Variants in SVIL observed in about 807,000 individuals in gnomAD.
The protein encoded by SVIL is archvillin.
A neutral mutation model predicts 240.4 loss-of-function variants in SVIL; 101 were observed. The observed-to-expected ratio is 0.42, with a 90% CI of 0.36 to 0.50. SVIL has a LOEUF of 0.50. Among genes scored for constraint, SVIL ranks in the 20% least tolerant of loss-of-function variants. SVIL has a pLI of 0.01. For missense variants in SVIL, 2,512 were observed against 2,818.7 expected (o/e 0.89, Z 2.46); for synonymous variants, 999 against 1,100.0 (o/e 0.91, Z 1.82).
upstream of SVIL, among the ~76,000 whole-genome samples, chr10:29,638,110 C>T (rs1371200548): frequency 2.6e-5 from 4 of 152,104 alleles, no homozygotes; most frequent in Admixed American, 6.5e-5. Flanking sequence ...GTAAAAAGCC[C>T]TCATGATCAC....
At chr10:29,565,016 A>G (rs1456891533) in intron 2 of SVIL, among the ~76,000 whole-genome samples, 3 of 149,882 alleles carry the variant, frequency 2.0e-5, no homozygotes, top group Non-Finnish European at 4.5e-5. Flanking sequence ...TAATTTAAAC[A>G]TCTTGACAAA....
At position 29,457,687 on chromosome 10, in the gene SVIL, G is replaced by A. The variant is rs1943723613; in HGVS notation, c.*560C>T. On this transcript the variant is annotated 3_prime_UTR_variant, in exon 38 of 38. Coordinates refer to ENST00000355867, the MANE Select transcript of SVIL (RefSeq NM_021738.3). ...GTACTCAGAACAAGTCATACCTAAT[G>A]CTGCAGGAAACATTTCCAAACGTGT... is the stretch of plus-strand genomic sequence containing the variant. 1 of 152,588 alleles carries A rather than the reference G, an allele frequency of 6.6e-6. No homozygotes were observed. Among genetic ancestry groups the A allele is most frequent in the African/African-American group, 2.4e-5 (1 of 41,420 alleles). The allele number at this position is 152,588 out of a possible 1,614,324, so 9.5% of individuals were successfully genotyped here.
chr10:29,620,420 T>C (rs1957588319), intron 1 of SVIL, among the ~76,000 whole-genome samples: 1 of 152,164 alleles, frequency 6.6e-6, no homozygotes, highest in Non-Finnish European at 1.5e-5. Flanking sequence ...ATAGTGTCCC[T>C]AAATATTCAC....
At chr10:29,733,766 C>T (rs149546718) in intron 1 of SVIL, among the ~76,000 whole-genome samples, 1 of 152,332 alleles carries the variant, frequency 6.6e-6, no homozygotes, top group African/African-American at 2.4e-5. Context: ...CTACCTAGGA[C>T]GTTCCAAGTC....
rs532339324 is a variant in SVIL at position 29,611,403 on chromosome 10, G to T, written c.-201+23017C>A. 3.3e-5 allele frequency among the ~76,000 whole-genome samples: 5 copies of T among 151,902 alleles called. No homozygotes were observed. In the South Asian group the frequency reaches 6.3e-4, roughly 19 times the overall value. On this transcript the variant is annotated intron_variant, in intron 1 of 37. Coordinates refer to ENST00000355867, the MANE Select transcript of SVIL (RefSeq NM_021738.3). Reference sequence around the variant, plus strand: ...TCTAGAATAGGGACCGAGGTGGGGGGACTGCTGGAACGTGTCAAGTGGTTA... The same window carrying T: ...TCTAGAATAGGGACCGAGGTGGGGGTACTGCTGGAACGTGTCAAGTGGTTA...
chr10:29,544,785 A>AG, intron 6 of SVIL, among the ~76,000 whole-genome samples: 1 of 151,110 alleles, frequency 6.6e-6, no homozygotes, highest in Non-Finnish European at 1.5e-5. Context: ...AAAAAGAATA[A>AG]GAATTGTCAC....
intron 1 of SVIL, among the ~76,000 whole-genome samples, chr10:29,600,712 A>G (rs143178341): frequency 1.2e-3 from 182 of 152,298 alleles, no homozygotes; most frequent in African/African-American, 4.2e-3. Flanking sequence ...TGGGGCACAA[A>G]AGGACCCTAT....
chr10:29,508,968 T>C (rs538681570), intron 17 of SVIL, among the ~76,000 whole-genome samples: 6 of 152,306 alleles, frequency 3.9e-5, no homozygotes, highest in African/African-American at 1.2e-4. Flanking sequence ...GAATTGAAAA[T>C]AACTATTTGG....
intron 6 of SVIL, among the ~76,000 whole-genome samples, chr10:29,547,522 C>G (rs543208569): frequency 6.6e-6 from 1 of 152,258 alleles, no homozygotes; most frequent in East Asian, 1.9e-4. Flanking sequence ...TAACATGCAT[C>G]TTCAAAATAA....
At chr10:29,720,997 C>T (rs1589576553) in intron 1 of SVIL, among the ~76,000 whole-genome samples, 2 of 152,108 alleles carry the variant, frequency 1.3e-5, no homozygotes, top group East Asian at 3.9e-4. Context: ...CAGGCATGTG[C>T]CACCACAACC....
At chr10:29,707,182 A>T (rs1331469626) in intron 1 of SVIL, among the ~76,000 whole-genome samples, 1 of 152,216 alleles carries the variant, frequency 6.6e-6, no homozygotes. Flanking sequence ...GAAGAATGTC[A>T]GTGGTAGTTT....
Position 29,554,771 on chromosome 10 carries a change from C to A in SVIL, c.160+12G>T, listed in dbSNP as rs1301636943. ...GCCTGCTGGAAAATGGGCCACCCAG[C>A]TCCACGCTCACCGATGTGGGGGCTG... is the stretch of plus-strand genomic sequence containing the variant. On this transcript the variant is annotated intron_variant, in intron 5 of 37. Transcript: ENST00000355867. 1 of 1,571,780 alleles carries A rather than the reference C, an allele frequency of 6.4e-7. No individual in the cohort carries two copies. Among genetic ancestry groups the A allele is most frequent in the Non-Finnish European group, 8.6e-7 (1 of 1,161,142 alleles).
At chr10:29,713,869 G>T (rs1413099957) in intron 1 of SVIL, among the ~76,000 whole-genome samples, 1 of 152,172 alleles carries the variant, frequency 6.6e-6, no homozygotes, top group South Asian at 2.1e-4. Flanking sequence ...ATGTTAAGCA[G>T]ATTTCTTTAC....
chr10:29,558,676 C>T (rs1954166242), intron 3 of SVIL, among the ~76,000 whole-genome samples: 1 of 151,520 alleles, frequency 6.6e-6, no homozygotes, highest in South Asian at 2.1e-4. Flanking sequence ...CCTGTAATCC[C>T]AGCACTTTAG....
intron 6 of SVIL, among the ~76,000 whole-genome samples, chr10:29,537,907 C>T (rs1951853119): frequency 1.3e-5 from 2 of 152,108 alleles, no homozygotes; most frequent in African/African-American, 4.8e-5. Context: ...TCAATTTTGC[C>T]CACAGCAAAT....
At chr10:29,618,251 C>T (rs1957501243) in intron 1 of SVIL, among the ~76,000 whole-genome samples, 1 of 152,216 alleles carries the variant, frequency 6.6e-6, no homozygotes. Flanking sequence ...ACCATGACCT[C>T]AACTCGTAAT....
intron 1 of SVIL, among the ~76,000 whole-genome samples, chr10:29,621,943 G>A (rs1218530548): frequency 6.6e-6 from 1 of 152,086 alleles, no homozygotes; most frequent in Admixed American, 6.6e-5. Flanking sequence ...AGTGACTTGG[G>A]AGCAGCAAAG....
At chr10:29,531,213 T>C (rs1292267922) in intron 10 of SVIL, 41 bp downstream of exon 10, 2 of 1,604,370 alleles carry the variant, frequency 1.2e-6, no homozygotes, top group East Asian at 2.2e-5. Flanking sequence ...CCAGTCTAGA[T>C]GAGATAATAA....
chr10:29,622,928 C>T (rs1471965078), intron 1 of SVIL, among the ~76,000 whole-genome samples: 2 of 152,138 alleles, frequency 1.3e-5, no homozygotes, highest in African/African-American at 2.4e-5. Flanking sequence ...CAGCATGGAT[C>T]TTCAAATCCA....
Sources: allele counts gnomAD v4.1 joint callset (sites outside exome capture counted in the v4.1 genomes callset), GRCh38; gene constraint gnomAD v4.1.1; transcripts MANE v1.5; gene names NCBI Gene and HGNC (gene_info 2026-07-23, HGNC 2026-07-21).